SBF2: variants seen among roughly 807,000 people sequenced by gnomAD.
The protein encoded by SBF2 is myotubularin-related protein 13.
In SBF2, 112 loss-of-function variants were observed where a neutral mutation model predicts 225.2. That is an observed-to-expected ratio of 0.50 (90% CI 0.43 to 0.58). The LOEUF is 0.58. Among genes scored for constraint, SBF2 ranks in the 20% least tolerant of loss-of-function variants. SBF2 has a pLI of 0.00. For missense variants in SBF2, 1,996 were observed against 2,206.2 expected, an observed-to-expected ratio of 0.90 and a Z score of 1.91; for synonymous variants, 763 against 773.3, an observed-to-expected ratio of 0.99 and a Z score of 0.22.
intron 1 of SBF2, among the ~76,000 whole-genome samples, chr11:10,236,936 G>A (rs1959099174): frequency 6.6e-6 from 1 of 152,126 alleles, no homozygotes. Context: ...ATAAATTACA[G>A]GACACAGATC....
intron 2 of SBF2, among the ~76,000 whole-genome samples, chr11:10,127,678 T>C (rs1037282940): frequency 6.6e-6 from 1 of 152,184 alleles, no homozygotes; most frequent in Non-Finnish European, 1.5e-5. Context: ...AACAGTTAAA[T>C]ATATTGTCTT....
chr11:10,079,930 T>G (rs1040558855), intron 2 of SBF2, among the ~76,000 whole-genome samples: 3 of 152,002 alleles, frequency 2.0e-5, no homozygotes, highest in African/African-American at 7.2e-5. Context: ...GAGATTGAGA[T>G]TCTATTTTCA....
Position 9,968,417 on chromosome 11 carries a change from A to C in SBF2, c.1524T>G (p.Asn508Lys). 6 of 1,614,102 alleles carry C rather than the reference A, an allele frequency of 3.7e-6. No individual in the cohort carries two copies. Among genetic ancestry groups the C allele is most frequent in the Non-Finnish European group, 5.1e-6 (6 of 1,180,012 alleles). Residue 508 changes from asparagine (N) to lysine (K), a missense_variant, in exon 14 of 40, where the codon AAT becomes AAG. By Grantham distance (94) the Asn-to-Lys change is moderately conservative. Transcript: ENST00000256190. ...EARVQELIQE[N>K]VAKNQNAPPA... is the part of the protein sequence containing the mutation. ...GAGGTGCATTCTGGTTCTTAGCAAC[A>C]TTTTCCTGTATTAATTCCTGAACCC...
At chr11:9,959,601 A>G in intron 16 of SBF2, 2 of 765,384 alleles carry the variant, frequency 2.6e-6, no homozygotes, top group South Asian at 2.7e-5. Flanking sequence ...TGGAACCTTC[A>G]AAGTACTAGA....
chr11:9,851,319 G>A (rs1486452883), intron 21 of SBF2, among the ~76,000 whole-genome samples: 2 of 152,178 alleles, frequency 1.3e-5, no homozygotes. Flanking sequence ...AGGTAGTATA[G>A]GGAGGACTGC....
At chr11:10,143,397 C>T (rs1591057486) in intron 2 of SBF2, among the ~76,000 whole-genome samples, 1 of 152,146 alleles carries the variant, frequency 6.6e-6, no homozygotes, top group Admixed American at 6.5e-5. Flanking sequence ...GTCTCGAACT[C>T]CTGACCTCAG....
intron 2 of SBF2, among the ~76,000 whole-genome samples, chr11:10,071,739 A>G (rs1391681827): frequency 6.6e-6 from 1 of 152,104 alleles, no homozygotes; most frequent in Non-Finnish European, 1.5e-5. Flanking sequence ...CCTTTTTTGC[A>G]TCTATTGAGA....
chr11:9,989,052 A>ATATATATATATATATG (rs1347138364), intron 13 of SBF2, among the ~76,000 whole-genome samples: 7 of 151,540 alleles, frequency 4.6e-5, no homozygotes, highest in African/African-American at 1.5e-4. Context: ...ATATATATAT[A>ATATATATATATATATG]TATACATATG....
At chr11:9,880,169 C>A (rs1241668929) in intron 17 of SBF2, among the ~76,000 whole-genome samples, 1 of 148,924 alleles carries the variant, frequency 6.7e-6, no homozygotes, top group Non-Finnish European at 1.5e-5. Flanking sequence ...AGAGTTCAGG[C>A]CTTTTCCTTA....
intron 6 of SBF2, among the ~76,000 whole-genome samples, chr11:10,026,954 G>A (rs1357619759): frequency 2.0e-5 from 3 of 152,004 alleles, no homozygotes; most frequent in Non-Finnish European, 4.4e-5. Flanking sequence ...AGAAGAGAAG[G>A]GAGATGTAAT....
chr11:10,160,077 G>A (rs371545518), intron 2 of SBF2, among the ~76,000 whole-genome samples: 3 of 151,838 alleles, frequency 2.0e-5, no homozygotes, highest in African/African-American at 4.8e-5. Context: ...AATTAGACAC[G>A]AAAAAGAAAT....
intron 8 of SBF2, 89 bp downstream of exon 8, chr11:10,000,825 A>C (rs944776899): frequency 6.9e-6 from 5 of 728,022 alleles, no homozygotes; most frequent in Admixed American, 4.1e-5. Flanking sequence ...AGATCTGAAA[A>C]TAGTGATGAG....
intron 1 of SBF2, among the ~76,000 whole-genome samples, chr11:10,229,719 T>C (rs1182289943): frequency 6.6e-6 from 1 of 152,196 alleles, no homozygotes; most frequent in Non-Finnish European, 1.5e-5. Context: ...TGCTGAGCAG[T>C]GCTTTACTTC....
At chr11:9,925,524 C>T (rs572575847) in intron 16 of SBF2, among the ~76,000 whole-genome samples, 2 of 152,360 alleles carry the variant, frequency 1.3e-5, no homozygotes, top group South Asian at 2.1e-4. Context: ...GATCCGCCCA[C>T]CTGGGCCTCC....
At chr11:10,124,999 G>A (rs1953678671) in intron 2 of SBF2, among the ~76,000 whole-genome samples, 2 of 151,754 alleles carry the variant, frequency 1.3e-5, no homozygotes, top group African/African-American at 4.8e-5. Context: ...CAGCTACTCA[G>A]GAGGCTGAGG....
chr11:10,286,013 T>A (rs983629276), intron 1 of SBF2, among the ~76,000 whole-genome samples: 2 of 152,020 alleles, frequency 1.3e-5, no homozygotes, highest in African/African-American at 4.8e-5. Flanking sequence ...AGATCTTTTT[T>A]TTGGAGAAAA....
chr11:10,277,787 C>T (rs376982239), intron 1 of SBF2, among the ~76,000 whole-genome samples: 1 of 152,164 alleles, frequency 6.6e-6, no homozygotes, highest in Non-Finnish European at 1.5e-5. Flanking sequence ...TACCACCAAT[C>T]AAGGAGCCCC....
At chr11:10,024,566 C>T (rs922251921) in intron 6 of SBF2, among the ~76,000 whole-genome samples, 1 of 152,088 alleles carries the variant, frequency 6.6e-6, no homozygotes, top group African/African-American at 2.4e-5. Context: ...CCCCAAACCC[C>T]TTCTTTGTTC....
chr11:10,101,936 G>A (rs1305438680), intron 2 of SBF2, among the ~76,000 whole-genome samples: 2 of 152,016 alleles, frequency 1.3e-5, no homozygotes, highest in African/African-American at 2.4e-5. Flanking sequence ...AGGGGTCCCT[G>A]AAACCAATAC....
Sources: gnomAD v4.1 joint callset for allele counts (sites outside exome capture counted in the v4.1 genomes callset) on GRCh38, gnomAD v4.1.1 for gene constraint, MANE v1.5 for transcripts, NCBI Gene and HGNC (gene_info 2026-07-23, HGNC 2026-07-21) for gene names.